LHPP: variants seen among roughly 807,000 people sequenced by gnomAD.
The protein encoded by LHPP is hLHPP.
LHPP carries 24 observed loss-of-function variants against 30.3 expected under a neutral mutation model. The observed-to-expected ratio is 0.79, with a 90% CI of 0.57 to 1.11. The LOEUF (loss-of-function observed/expected upper bound fraction) is 1.11, where lower values mean the gene tolerates loss of function less well. Among genes scored for constraint, LHPP ranks in the 50% most tolerant of loss-of-function variants. The probability of loss-of-function intolerance (pLI) is 0.00; values close to 1 mark genes in which losing one functional copy is unlikely to be tolerated. For synonymous variants in LHPP, 150 were observed against 157.1 expected (o/e 0.95, Z 0.34); for missense variants, 356 against 367.2 (o/e 0.97, Z 0.25).
At chr10:124,599,258 A>G (rs1439667629) in intron 6 of LHPP, among the ~76,000 whole-genome samples, 1 of 149,920 alleles carries the variant, frequency 6.7e-6, no homozygotes, top group African/African-American at 2.5e-5. Context: ...TCATCCTTCC[A>G]ACTGTCTGTT....
chr10:124,589,573 C>T (rs548558087), intron 6 of LHPP, among the ~76,000 whole-genome samples: 2 of 152,322 alleles, frequency 1.3e-5, no homozygotes, highest in South Asian at 4.1e-4. Context: ...ACTGTTGACA[C>T]GAGAGCAGGG....
At chr10:124,594,327 C>A in intron 6 of LHPP, among the ~76,000 whole-genome samples, 1 of 36,308 alleles carries the variant, frequency 2.8e-5, no homozygotes, top group East Asian at 9.9e-4. Flanking sequence ...GAGACTCCAT[C>A]TCAAAAAAAA....
intron 1 of LHPP, among the ~76,000 whole-genome samples, chr10:124,475,330 A>C (rs1299589912): frequency 6.7e-6 from 1 of 148,898 alleles, no homozygotes; most frequent in Non-Finnish European, 1.5e-5. Flanking sequence ...GCCGGTGGTC[A>C]GGAGTTCGAG....
At chr10:124,591,806 A>G (rs1414212253) in intron 6 of LHPP, among the ~76,000 whole-genome samples, 2 of 141,844 alleles carry the variant, frequency 1.4e-5, no homozygotes, top group African/African-American at 2.6e-5. Flanking sequence ...GCAGCTGACT[A>G]CAGAGAGCGG....
Position 124,566,342 on chromosome 10 carries a change from C to T in LHPP, c.717-46922C>T, listed in dbSNP as rs1589870209. Among the ~76,000 whole-genome samples the T allele has an allele frequency of 3.9e-5, 6 of 152,188 alleles. No homozygotes were observed. The South Asian group carries it at 1.2e-3, about 32-fold the overall frequency. On this transcript the variant is annotated intron_variant, in intron 6 of 6. Transcript: ENST00000368842. Reference sequence around the variant, plus strand: ...GGGGGACACACTCTGCTTACTTGTCCCCTGGGAGCGCTGGGCAGGGAGACT... The same window carrying T: ...GGGGGACACACTCTGCTTACTTGTCTCCTGGGAGCGCTGGGCAGGGAGACT...
At chr10:124,609,736 AAGTC>A (rs976133564) in intron 6 of LHPP, among the ~76,000 whole-genome samples, 14 of 152,036 alleles carry the variant, frequency 9.2e-5, no homozygotes, top group African/African-American at 3.1e-4. Flanking sequence ...AGCTCTCTGT[AAGTC>A]AGTCCTGCTG....
At position 124,496,237 on chromosome 10, in the gene LHPP, C is replaced by G. The variant is rs1953704170; in HGVS notation, c.468-724C>G. On this transcript the variant is annotated intron_variant, in intron 3 of 6. Transcript: ENST00000368842. This position sits in a 1 kb window ranked among gnomAD's most constrained non-coding sequence, Gnocchi z 4.3. ...TTCAGCCAGAGCCAGGTCTGGCCCA[C>G]CATGTGTCTGGACTGTGAGTGCCTT... Among the ~76,000 whole-genome samples the G allele has an allele frequency of 6.6e-6, 1 of 152,178 alleles. No homozygotes were observed. Among genetic ancestry groups the G allele is most frequent in the Admixed American group, 6.5e-5 (1 of 15,286 alleles).
chr10:124,546,529 A>G (rs1955346895), intron 6 of LHPP, among the ~76,000 whole-genome samples: 1 of 152,084 alleles, frequency 6.6e-6, no homozygotes, highest in Non-Finnish European at 1.5e-5. Context: ...CACCCTCCCG[A>G]GTAGCTGGGA....
chr10:124,593,308 GCTCTCGGGAGGGAA>G lies in LHPP; in HGVS notation c.717-19955_717-19942del. Reference sequence around the variant, plus strand: ...CCCCATCTGCCCAGAACCAGGCTGCGCTCTCGGGAGGGAAACAGACTCTTATCCTCTTAGGTACA... The same window carrying G: ...CCCCATCTGCCCAGAACCAGGCTGCGACAGACTCTTATCCTCTTAGGTACA... On this transcript the variant is annotated intron_variant, in intron 6 of 6. Transcript: ENST00000368842. This position sits in a 1 kb window ranked among gnomAD's most constrained non-coding sequence, Gnocchi z 4.9. 6.6e-6 allele frequency among the ~76,000 whole-genome samples: 1 copy of G among 151,094 alleles called. No homozygotes were observed. The highest frequency in any genetic ancestry group is 2.4e-5 in the African/African-American group (1 of 41,258).
intron 3 of LHPP, chr10:124,489,767 CT>C (rs113778319): frequency 2.0e-3 from 311 of 155,992 alleles, no homozygotes; most frequent in South Asian, 5.7e-3. Context: ...TAATTTTTTT[CT>C]TTTTTTTTTT....
intron 1 of LHPP, among the ~76,000 whole-genome samples, chr10:124,465,125 G>A (rs1242012089): frequency 6.6e-6 from 1 of 152,166 alleles, no homozygotes; most frequent in African/African-American, 2.4e-5. Flanking sequence ...TAGAGAGGGG[G>A]TCGGGACAGC....
intron 3 of LHPP, among the ~76,000 whole-genome samples, chr10:124,494,645 G>A (rs1383574070): frequency 1.3e-5 from 2 of 152,202 alleles, no homozygotes; most frequent in Non-Finnish European, 2.9e-5. Context: ...AGGGTGCTCA[G>A]TGGATTCCAA....
intron 6 of LHPP, among the ~76,000 whole-genome samples, chr10:124,589,776 C>T (rs532165473): frequency 2.6e-5 from 4 of 152,332 alleles, no homozygotes; most frequent in African/African-American, 7.2e-5. Context: ...GGTCGGCTCT[C>T]GTTCAGGCCT....
At chr10:124,486,599 C>G (rs565779626) in intron 2 of LHPP, among the ~76,000 whole-genome samples, 3 of 152,256 alleles carry the variant, frequency 2.0e-5, no homozygotes, top group Non-Finnish European at 4.4e-5. Context: ...ATTCTCCCAG[C>G]GATGATGTGT....
At chr10:124,522,331 C>A (rs924302894) in intron 6 of LHPP, among the ~76,000 whole-genome samples, 43 of 152,340 alleles carry the variant, frequency 2.8e-4, no homozygotes, top group Non-Finnish European at 1.3e-4. Flanking sequence ...GCTGCTCCCC[C>A]AGACTCCTCG....
At chr10:124,492,465 C>T (rs79655488) in intron 3 of LHPP, among the ~76,000 whole-genome samples, 1,586 of 152,240 alleles carry the variant, frequency 0.01, 26 homozygotes, top group African/African-American at 0.035. Flanking sequence ...GCAGCAGAGT[C>T]GTAAGGCTGT....
chr10:124,526,511 C>T (rs1328745301), intron 6 of LHPP, among the ~76,000 whole-genome samples: 3 of 152,222 alleles, frequency 2.0e-5, no homozygotes, highest in East Asian at 1.9e-4. Flanking sequence ...AGCCACCCCC[C>T]AATTAGCCAA....
chr10:124,546,488 T>C lies in LHPP; in HGVS notation c.716+29217T>C, dbSNP rs1174317675. ...CGCGATCTCGGCTCACTGCAAGCTC[T>C]GCCTCCTGGGTTCACACCATTCTCC... On this transcript the variant is annotated intron_variant, in intron 6 of 6. Transcript: ENST00000368842. Among the ~76,000 whole-genome samples, 7 of 152,224 alleles carry C rather than the reference T, an allele frequency of 4.6e-5. No individual in the cohort carries two copies. The East Asian group carries it at 1.2e-3, about 25-fold the overall frequency.
rs553859088 is a variant in LHPP, at chr10:124,468,961, A to G, written c.125+6974A>G. ...GGAATTTTCCCTGGGGATTTTCCAG[A>G]GATGCAGGACACCTGTTTTCCTCGC... On this transcript the variant is annotated intron_variant, in intron 1 of 6. Transcript: ENST00000368842. Among the ~76,000 whole-genome samples the G allele has an allele frequency of 2.0e-3, 305 of 152,322 alleles. 1 individual carries two copies. Among genetic ancestry groups the G allele is most frequent in the African/African-American group, 7.1e-3 (296 of 41,574 alleles).
Sources: allele counts gnomAD v4.1 joint callset (sites outside exome capture counted in the v4.1 genomes callset), GRCh38; gene constraint gnomAD v4.1.1; non-coding constraint Gnocchi (gnomAD v3.1); transcripts MANE v1.5; gene names NCBI Gene and HGNC (gene_info 2026-07-23, HGNC 2026-07-21).